Variants in TENM4 observed in about 807,000 individuals in gnomAD.
TENM4 encodes teneurin transmembrane protein 4, also known as teneurin-4.
A neutral mutation model predicts 243.3 loss-of-function variants in TENM4; 82 were observed. That is an observed-to-expected ratio of 0.34 (90% CI 0.28 to 0.40). The LOEUF (loss-of-function observed/expected upper bound fraction) is 0.40, where lower values mean the gene tolerates loss of function less well. TENM4 is among the 10% of genes least tolerant of loss of function. TENM4 has a pLI of 1.00. For missense variants in TENM4, 3,138 were observed against 3,673.3 expected (o/e 0.85, Z 3.77); for synonymous variants, 1,412 against 1,456.3 (o/e 0.97, Z 0.69).
chr11:79,141,471 A>G (rs997867501), intron 4 of TENM4, among the ~76,000 whole-genome samples: 1 of 152,144 alleles, frequency 6.6e-6, no homozygotes, highest in South Asian at 2.1e-4. Flanking sequence ...CAGACTAATG[A>G]CAAGTAATGA....
At chr11:79,406,349 A>C (rs756166729) in intron 1 of TENM4, among the ~76,000 whole-genome samples, 1 of 152,244 alleles carries the variant, frequency 6.6e-6, no homozygotes, top group Non-Finnish European at 1.5e-5. Context: ...CTTTTCATGA[A>C]TAGAAAACAA....
chr11:79,272,449 A>AAAAGC (rs1433331459), intron 2 of TENM4, among the ~76,000 whole-genome samples: 33 of 152,214 alleles, frequency 2.2e-4, no homozygotes, highest in Admixed American at 2.2e-3. Context: ...CTAATATAGA[A>AAAAGC]AAAGCACTCA....
intron 6 of TENM4, among the ~76,000 whole-genome samples, chr11:79,060,372 G>A (rs1032239167): frequency 6.6e-6 from 1 of 152,216 alleles, no homozygotes; most frequent in East Asian, 1.9e-4. Flanking sequence ...GGCAGAAATT[G>A]TCTTTAATGG....
At chr11:78,882,355 C>T (rs546108233) in intron 9 of TENM4, among the ~76,000 whole-genome samples, 3 of 152,310 alleles carry the variant, frequency 2.0e-5, no homozygotes, top group South Asian at 2.1e-4. Context: ...ATACACAGTT[C>T]GGCCACCATG....
chr11:79,183,724 T>C (rs576000952), intron 3 of TENM4, among the ~76,000 whole-genome samples: 2 of 152,242 alleles, frequency 1.3e-5, no homozygotes, highest in East Asian at 3.9e-4. Flanking sequence ...TAAAGTTTCT[T>C]AATTTTCAAA....
At chr11:78,807,043 G>C (rs1200766247) in intron 14 of TENM4, among the ~76,000 whole-genome samples, 1 of 152,076 alleles carries the variant, frequency 6.6e-6, no homozygotes, top group Admixed American at 6.6e-5. Context: ...CCTTTTTAAG[G>C]CTGAATAATA....
intron 10 of TENM4, among the ~76,000 whole-genome samples, chr11:78,858,116 T>TC (rs1173336841): frequency 1.3e-5 from 2 of 152,126 alleles, no homozygotes; most frequent in Admixed American, 6.5e-5. Flanking sequence ...GGAAAACTGC[T>TC]CCCCCATTTT....
At chr11:79,057,145 C>T (rs1859964539) in intron 6 of TENM4, among the ~76,000 whole-genome samples, 1 of 152,208 alleles carries the variant, frequency 6.6e-6, no homozygotes, top group East Asian at 1.9e-4. Flanking sequence ...CTGCCTACTT[C>T]AGCCTTTGCC....
chr11:79,419,181 G>A (rs1268864222), intron 1 of TENM4, among the ~76,000 whole-genome samples: 1 of 152,142 alleles, frequency 6.6e-6, no homozygotes, highest in Non-Finnish European at 1.5e-5. Flanking sequence ...AGCCTACCTG[G>A]CTTTTCAAAA....
chr11:78,949,103 A>G (rs1256303912), intron 6 of TENM4, among the ~76,000 whole-genome samples: 10 of 152,168 alleles, frequency 6.6e-5, no homozygotes, highest in African/African-American at 4.8e-5. Flanking sequence ...TCTTTAGATC[A>G]TTTACTTAAA....
chr11:79,015,253 G>A (rs919180750), intron 6 of TENM4, among the ~76,000 whole-genome samples: 1 of 152,178 alleles, frequency 6.6e-6, no homozygotes, highest in Non-Finnish European at 1.5e-5. Context: ...AATCAGAGCT[G>A]GGATTGGAAC....
chr11:78,899,571 G>GGGGAGGA, intron 7 of TENM4, among the ~76,000 whole-genome samples: 1 of 79,420 alleles, frequency 1.3e-5, no homozygotes, highest in East Asian at 6.0e-4. Flanking sequence ...GGGGGGGGGG[G>GGGGAGGA]AAAAAGAAAA....
At chr11:78,885,011 A>G (rs1855520219) in intron 9 of TENM4, among the ~76,000 whole-genome samples, 1 of 152,246 alleles carries the variant, frequency 6.6e-6, no homozygotes, top group Admixed American at 6.5e-5. Flanking sequence ...CTCTTTATGA[A>G]TGATAAACAG....
rs1858348457 is a variant in TENM4, at chr11:79,002,240, CTGCCAG to C, written c.493+62492_493+62497del. The stretch of plus-strand genomic sequence containing the variant: ...CTTTGTGCCTGCCAGCACCTCACTC[CTGCCAG>C]TGCAAATGCACACAGGAATGTTGGG... On this transcript the variant is annotated intron_variant, in intron 6 of 33. Coordinates refer to ENST00000278550, the MANE Select transcript of TENM4 (RefSeq NM_001098816.3). Among the ~76,000 whole-genome samples the C allele has an allele frequency of 2.0e-5, 3 of 152,388 alleles. No individual in the cohort carries two copies. In the South Asian group the frequency reaches 6.2e-4, roughly 32 times the overall value.
intron 15 of TENM4, among the ~76,000 whole-genome samples, chr11:78,795,093 T>C (rs895734361): frequency 6.6e-6 from 1 of 152,174 alleles, no homozygotes; most frequent in Non-Finnish European, 1.5e-5. Context: ...GTGATCTTCA[T>C]GTATTCAAAT....
At chr11:78,799,108 G>C (rs1317131301) in intron 15 of TENM4, among the ~76,000 whole-genome samples, 1 of 152,150 alleles carries the variant, frequency 6.6e-6, no homozygotes, top group Non-Finnish European at 1.5e-5. Context: ...CTCTGAGGAG[G>C]TTGTGCTCTT....
At chr11:78,699,003 A>G (rs1243413289) in intron 28 of TENM4, among the ~76,000 whole-genome samples, 2 of 152,158 alleles carry the variant, frequency 1.3e-5, no homozygotes, top group African/African-American at 4.8e-5. Flanking sequence ...TCTGATTCCT[A>G]CCTACCTCAA....
At chr11:78,830,373 C>CA (rs1301435076) in intron 12 of TENM4, among the ~76,000 whole-genome samples, 1 of 152,174 alleles carries the variant, frequency 6.6e-6, no homozygotes, top group Admixed American at 6.5e-5. Flanking sequence ...GTAGAGGGTG[C>CA]ACAAAGGAGA....
chr11:79,003,844 T>G (rs1447538667), intron 6 of TENM4, among the ~76,000 whole-genome samples: 1 of 151,772 alleles, frequency 6.6e-6, no homozygotes, highest in Non-Finnish European at 1.5e-5. Flanking sequence ...ACATATCAAC[T>G]CGGATAAAGA....
Sources: allele counts gnomAD v4.1 joint callset (sites outside exome capture counted in the v4.1 genomes callset), GRCh38; gene constraint gnomAD v4.1.1; transcripts MANE v1.5; gene names NCBI Gene and HGNC (gene_info 2026-07-23, HGNC 2026-07-21).